Variants in STK32B observed in about 807,000 individuals in gnomAD.
STK32B encodes serine/threonine-protein kinase 32B.
Under a neutral mutation model 52.6 loss-of-function variants are expected in STK32B, and 43 were observed. The ratio of observed to expected loss-of-function variants is 0.82; its 90% confidence interval spans 0.64 to 1.05. The LOEUF (loss-of-function observed/expected upper bound fraction) is 1.05, where lower values mean the gene tolerates loss of function less well. Ranked by LOEUF, STK32B falls within the 50% of genes least tolerant of loss-of-function variation. The pLI is 0.00. For missense variants in STK32B, 621 were observed against 534.6 expected (o/e 1.16, Z -1.59); for synonymous variants, 238 against 204.3 (o/e 1.17, Z -1.41).
chr4:5,090,214 A>T (rs1712993308), intron 1 of STK32B, among the ~76,000 whole-genome samples: 1 of 151,968 alleles, frequency 6.6e-6, no homozygotes, highest in South Asian at 2.1e-4. Flanking sequence ...CTTTAGTTTA[A>T]TTAGATCCCA....
chr4:5,435,520 A>G (rs1184903877), intron 6 of STK32B, among the ~76,000 whole-genome samples: 1 of 152,244 alleles, frequency 6.6e-6, no homozygotes, highest in African/African-American at 2.4e-5. Context: ...CAGTACTCTT[A>G]AAACAAGACT....
intron 3 of STK32B, among the ~76,000 whole-genome samples, chr4:5,283,349 C>T (rs1417461829): frequency 5.3e-5 from 8 of 151,838 alleles, no homozygotes; most frequent in Non-Finnish European, 1.0e-4. Flanking sequence ...ACAAAGAAGG[C>T]CATGGGAATT....
At chr4:5,242,920 G>C (rs6828478) in intron 3 of STK32B, among the ~76,000 whole-genome samples, 46,865 of 151,948 alleles carry the variant, frequency 0.31, 9,783 homozygotes, top group African/African-American at 0.59. Flanking sequence ...GGCCTCTGTT[G>C]TGTTCCATTG....
At chr4:5,189,198 C>T (rs1418034059) in intron 3 of STK32B, among the ~76,000 whole-genome samples, 2 of 152,112 alleles carry the variant, frequency 1.3e-5, no homozygotes, top group Admixed American at 1.3e-4. Flanking sequence ...AGGGTCTGCT[C>T]TTGGTGTTAT....
In STK32B at chr4:5,378,469, A is replaced by G. The variant is rs1168345937; in HGVS notation, c.435-19738A>G. On this transcript the variant is annotated intron_variant, in intron 4 of 11. Coordinates refer to ENST00000282908, the MANE Select transcript of STK32B (RefSeq NM_018401.3). The surrounding 1 kb of genome is among the most constrained non-coding windows in gnomAD (Gnocchi z 4.4). ...AGTTAAATCATTTACAATTATCATGATTCCTGATACATTTGAACTTGTTTA... is the reference window on the plus strand; with the variant it reads ...AGTTAAATCATTTACAATTATCATGGTTCCTGATACATTTGAACTTGTTTA... Among the ~76,000 whole-genome samples the G allele has an allele frequency of 6.6e-6, 1 of 152,136 alleles. No homozygotes were observed. The highest frequency in any genetic ancestry group is 1.5e-5 in the Non-Finnish European group (1 of 68,018).
At chr4:5,057,317 G>A (rs16836581) in intron 1 of STK32B, among the ~76,000 whole-genome samples, 7,208 of 152,190 alleles carry the variant, frequency 0.047, 581 homozygotes, top group African/African-American at 0.17. Flanking sequence ...CAGAGAACTG[G>A]TTTTTCAGCG....
chr4:5,254,492 A>AT (rs1382150742), intron 3 of STK32B, among the ~76,000 whole-genome samples: 2 of 151,652 alleles, frequency 1.3e-5, no homozygotes, highest in African/African-American at 2.4e-5. Context: ...GATTTTCAGC[A>AT]TTTTTTTTCT....
At chr4:5,444,134 T>C (rs1227814989) in intron 6 of STK32B, among the ~76,000 whole-genome samples, 3 of 152,010 alleles carry the variant, frequency 2.0e-5, no homozygotes, top group African/African-American at 7.3e-5. Context: ...TCCGCCCAGT[T>C]GGAGCTTCCG....
intron 3 of STK32B, among the ~76,000 whole-genome samples, chr4:5,309,008 C>T (rs1730113423): frequency 6.6e-6 from 1 of 151,896 alleles, no homozygotes; most frequent in Non-Finnish European, 1.5e-5. Flanking sequence ...ACCCTAAAAG[C>T]TCCACAAAAA....
intron 6 of STK32B, among the ~76,000 whole-genome samples, chr4:5,443,165 G>T (rs565273036): frequency 0.015 from 2,284 of 150,056 alleles, 30 homozygotes; most frequent in Admixed American, 0.033. Flanking sequence ...TTGCTAGATT[G>T]GGGAAGTTCT....
intron 3 of STK32B, among the ~76,000 whole-genome samples, chr4:5,297,098 T>C (rs930113607): frequency 6.6e-6 from 1 of 152,182 alleles, no homozygotes; most frequent in African/African-American, 2.4e-5. Context: ...GAATGTTGAA[T>C]ATTGGCCCCA....
At chr4:5,022,119 C>T in the STK32B span, among the ~76,000 whole-genome samples, 1 of 152,214 alleles carries the variant, frequency 6.6e-6, no homozygotes, top group African/African-American at 2.4e-5. Flanking sequence ...ATTCTATCTG[C>T]TTTCTGGCCC....
At chr4:5,196,879 C>G (rs960485912) in intron 3 of STK32B, among the ~76,000 whole-genome samples, 1 of 152,160 alleles carries the variant, frequency 6.6e-6, no homozygotes, top group Non-Finnish European at 1.5e-5. Flanking sequence ...CCCTAGACAG[C>G]TGCAGCATTG....
chr4:5,165,924 G>A (rs1049536717), intron 2 of STK32B, among the ~76,000 whole-genome samples: 1 of 152,252 alleles, frequency 6.6e-6, no homozygotes, highest in East Asian at 1.9e-4. Flanking sequence ...CCTCAGTGCC[G>A]CCTGGCACTC....
intron 3 of STK32B, among the ~76,000 whole-genome samples, chr4:5,295,038 G>T (rs1303907666): frequency 6.6e-6 from 1 of 152,124 alleles, no homozygotes; most frequent in East Asian, 1.9e-4. Context: ...TAGTCATGTG[G>T]TTTTTGTCAT....
In STK32B at chr4:5,469,341, G is replaced by A. The variant is rs1189766905; in HGVS notation, c.1106+1271G>A. On this transcript the variant is annotated intron_variant, in intron 11 of 11. Transcript: ENST00000282908. This position sits in a 1 kb window ranked among gnomAD's most constrained non-coding sequence, Gnocchi z 4.7. ...GTGCTAAGGCCAAGGGCCACCCAGG[G>A]CAGTGCATGTCACAGCAGACACCTG... 6.6e-6 allele frequency among the ~76,000 whole-genome samples: 1 copy of A among 152,258 alleles called. No homozygotes were observed. Among genetic ancestry groups the A allele is most frequent in the Non-Finnish European group, 1.5e-5 (1 of 68,036 alleles).
chr4:5,097,165 T>C (rs1366001343), intron 1 of STK32B, among the ~76,000 whole-genome samples: 1 of 152,220 alleles, frequency 6.6e-6, no homozygotes, highest in Non-Finnish European at 1.5e-5. Flanking sequence ...GGTATTTTTG[T>C]TGTGGAATGG....
intron 11 of STK32B, among the ~76,000 whole-genome samples, chr4:5,489,440 A>G (rs1719508850): frequency 6.6e-6 from 1 of 152,180 alleles, no homozygotes; most frequent in South Asian, 2.1e-4. Context: ...CTATTCATCA[A>G]GTAATTGCAG....
chr4:5,481,275 C>T (rs1718682517), intron 11 of STK32B, among the ~76,000 whole-genome samples: 1 of 152,174 alleles, frequency 6.6e-6, no homozygotes, highest in Admixed American at 6.5e-5. Flanking sequence ...GATTGCCATT[C>T]TAACTGGTGT....
Sources: gnomAD v4.1 joint callset for allele counts (sites outside exome capture counted in the v4.1 genomes callset) on GRCh38, gnomAD v4.1.1 for gene constraint, Gnocchi (gnomAD v3.1) non-coding constraint, MANE v1.5 for transcripts, NCBI Gene and HGNC (gene_info 2026-07-23, HGNC 2026-07-21) for gene names.